The following USP43 variants were observed in gnomAD, a reference collection of about 807,000 sequenced individuals.
USP43 encodes ubiquitin specific peptidase 43.
Under a neutral mutation model 90.7 loss-of-function variants are expected in USP43, and 33 were observed. That is an observed-to-expected ratio of 0.36 (90% confidence interval 0.28 to 0.49). The LOEUF is 0.49. Among genes scored for constraint, USP43 ranks in the 20% least tolerant of loss-of-function variants. The pLI, the probability that USP43 is intolerant of heterozygous loss-of-function variation, is 0.98. For synonymous variants in USP43, 598 were observed against 615.8 expected, an observed-to-expected ratio of 0.97 and a Z score of 0.43; for missense variants, 1,274 against 1,476.4, an observed-to-expected ratio of 0.86 and a Z score of 2.25.
rs1917428732 is a variant in USP43, at chr17:9,728,882, A to G, written c.3264A>G (p.Ser1088=). 1 of 1,613,948 alleles carries G rather than the reference A, an allele frequency of 6.2e-7. No individual in the cohort carries two copies. The highest frequency in any genetic ancestry group is 8.5e-7 in the Non-Finnish European group (1 of 1,179,824). ...CGAGAGGCAGTGCACTGGGCATGTCACAAAGGACTGTTCCAGGGGAGCAGG... is the reference window on the plus strand; with the variant it reads ...CGAGAGGCAGTGCACTGGGCATGTCGCAAAGGACTGTTCCAGGGGAGCAGG... The part of the protein sequence containing the change: ...RAPRGSALGM[S]QRTVPGEQAS... The change falls in exon 15 of 15, where the codon TCA becomes TCG. Residue 1088 remains serine, a synonymous_variant. Coordinates refer to ENST00000285199, the MANE Select transcript of USP43 (RefSeq NM_153210.5). This position sits in a 1 kb window ranked among gnomAD's most constrained non-coding sequence, Gnocchi z 6.2.
In USP43 at chr17:9,705,291, CT is replaced by C. The variant is rs61284524; in HGVS notation, c.2011+3605del. Reference sequence around the variant, plus strand: ...GTACTATTTACTGTGTTGCACCTGGCTTTTTTTTTTTTTTCTCTCTGAAAAT... The same window carrying C: ...GTACTATTTACTGTGTTGCACCTGGCTTTTTTTTTTTTTCTCTCTGAAAAT... On this transcript the variant is annotated intron_variant, in intron 12 of 14. Coordinates refer to ENST00000285199, the MANE Select transcript of USP43 (RefSeq NM_153210.5). 3.5e-3 allele frequency among the ~76,000 whole-genome samples: 486 copies of C among 137,716 alleles called. 3 individuals carry two copies. The highest frequency in any genetic ancestry group is 0.026 in the Middle Eastern group (7 of 270). 90.3% of individuals were successfully genotyped at this position (137,716 alleles called of 152,430 possible).
At chr17:9,663,078 A>G (rs1252116750) in intron 2 of USP43, among the ~76,000 whole-genome samples, 1 of 151,876 alleles carries the variant, frequency 6.6e-6, no homozygotes. Context: ...TCGGCTTCCC[A>G]AAGTGCTGAG....
intron 14 of USP43, among the ~76,000 whole-genome samples, chr17:9,715,679 C>CTGTGTGTATGTG (rs1354164409): frequency 8.2e-6 from 1 of 122,144 alleles, no homozygotes; most frequent in Non-Finnish European, 1.7e-5. Flanking sequence ...GTGTGTGTGT[C>CTGTGTGTATGTG]TGTGTGTATG....
At chr17:9,695,023 G>C (rs1567669121) in intron 9 of USP43, among the ~76,000 whole-genome samples, 1 of 152,190 alleles carries the variant, frequency 6.6e-6, no homozygotes, top group Non-Finnish European at 1.5e-5. Context: ...CTAGAATTGA[G>C]TAGAGTTCTA....
intron 2 of USP43, among the ~76,000 whole-genome samples, chr17:9,657,505 A>C (rs750998047): frequency 2.4e-4 from 37 of 152,032 alleles, no homozygotes; most frequent in Non-Finnish European, 4.7e-4. Flanking sequence ...GTCTCAAAAA[A>C]AAAAGAAAAG....
chr17:9,652,518 C>A (rs887213209), intron 1 of USP43, among the ~76,000 whole-genome samples: 1 of 151,984 alleles, frequency 6.6e-6, no homozygotes, highest in African/African-American at 2.4e-5. Context: ...CCCGCCACCA[C>A]GTCCGGCTAA....
At chr17:9,662,339 C>T (rs1477532975) in intron 2 of USP43, among the ~76,000 whole-genome samples, 3 of 152,174 alleles carry the variant, frequency 2.0e-5, no homozygotes, top group Non-Finnish European at 4.4e-5. Context: ...TCCAAGTGCC[C>T]TTCCCCTATT....
chr17:9,678,810 GGGATGAAGTACATCCAGAA>G (rs1913968829), intron 5 of USP43, among the ~76,000 whole-genome samples: 1 of 149,238 alleles, frequency 6.7e-6, no homozygotes, highest in Non-Finnish European at 1.5e-5. Context: ...CATCTTTTCT[GGGATGAAGTACATCCAGAA>G]GATGTACTTC....
At position 9,693,055 on chromosome 17, in the gene USP43, C is replaced by T. The variant is rs151264652; in HGVS notation, c.1354-72C>T. On this transcript the variant is annotated intron_variant, in intron 8 of 14. Coordinates refer to ENST00000285199, the MANE Select transcript of USP43 (RefSeq NM_153210.5). ...TAATGATTATATTTTTTAATGTATG[C>T]GCCCCTTTAGAGTCTAATTTAAATC... 1.7e-3 allele frequency: 1,737 copies of T among 1,020,624 alleles called. 5 individuals are homozygous for T. The highest frequency in any genetic ancestry group is 2.4e-3 in the Non-Finnish European group (1,622 of 672,382). The allele number at this position is 1,020,624 out of a possible 1,614,324, so 63.2% of individuals were successfully genotyped here.
intron 8 of USP43, among the ~76,000 whole-genome samples, chr17:9,688,048 T>C (rs1056116500): frequency 6.6e-6 from 1 of 152,110 alleles, no homozygotes; most frequent in Non-Finnish European, 1.5e-5. Flanking sequence ...TGCAGTGGCG[T>C]GATCTCGGCT....
intron 9 of USP43, 120 bp downstream of exon 9, chr17:9,693,350 C>G (rs1915073122): frequency 1.2e-6 from 1 of 812,460 alleles, no homozygotes; most frequent in Non-Finnish European, 2.0e-6. Context: ...TCACTTACCT[C>G]TCCAGTACCA....
intron 14 of USP43, among the ~76,000 whole-genome samples, chr17:9,713,187 C>A (rs142929756): frequency 8.4e-4 from 128 of 152,140 alleles, no homozygotes; most frequent in Non-Finnish European, 1.5e-3. Flanking sequence ...CTCCCGGGTT[C>A]GAGCAATACT....
At position 9,701,072 on chromosome 17, in the gene USP43, C is replaced by T; in HGVS notation, c.1536-47C>T. 1.4e-6 allele frequency: 2 copies of T among 1,439,242 alleles called. No homozygotes were observed. Among genetic ancestry groups the T allele is most frequent in the East Asian group, 5.1e-5 (2 of 39,554 alleles). 89.2% of individuals were successfully genotyped at this position (1,439,242 alleles called of 1,614,324 possible). Reference sequence around the variant, plus strand: ...GAGTAGAGACATAGACGAAACCTGTCTGGGAGCAGGAAAGTCCTGAACGCC... The same window carrying T: ...GAGTAGAGACATAGACGAAACCTGTTTGGGAGCAGGAAAGTCCTGAACGCC... On this transcript the variant is annotated intron_variant, in intron 10 of 14. Coordinates refer to ENST00000285199, the MANE Select transcript of USP43 (RefSeq NM_153210.5). This position sits in a 1 kb window ranked among gnomAD's most constrained non-coding sequence, Gnocchi z 7.2.
intron 5 of USP43, among the ~76,000 whole-genome samples, 163 bp from the exon 6 acceptor site, chr17:9,680,068 A>T (rs1257413486): frequency 6.7e-6 from 1 of 150,336 alleles, no homozygotes; most frequent in Non-Finnish European, 1.5e-5. Flanking sequence ...GTCTGAGGAC[A>T]ATCTAATGGT....
At chr17:9,681,461 AT>A (rs1289730265) in intron 6 of USP43, among the ~76,000 whole-genome samples, 31,709 of 64,982 alleles carry the variant, frequency 0.49, 6,956 homozygotes, top group East Asian at 0.77. Flanking sequence ...TATAAAATAT[AT>A]TATATATATA....
chr17:9,712,580 G>T (rs1314809455), intron 14 of USP43, among the ~76,000 whole-genome samples: 1 of 152,206 alleles, frequency 6.6e-6, no homozygotes, highest in African/African-American at 2.4e-5. Flanking sequence ...TATGTTCCAG[G>T]AGAGGAGCCC....
In USP43 at chr17:9,674,359, C is replaced by T. The variant is rs1309448994; in HGVS notation, c.741-532C>T. On this transcript the variant is annotated intron_variant, in intron 3 of 14. Coordinates refer to ENST00000285199, the MANE Select transcript of USP43 (RefSeq NM_153210.5). This position sits in a 1 kb window ranked among gnomAD's most constrained non-coding sequence, Gnocchi z 4.4. ...CATTCACAGTGTTGTGCAGCTACCA[C>T]CTCCTAGTTCCTAAACATTTCATCA... Among the ~76,000 whole-genome samples the T allele has an allele frequency of 6.6e-6, 1 of 152,168 alleles. No homozygotes were observed. Among genetic ancestry groups the T allele is most frequent in the Non-Finnish European group, 1.5e-5 (1 of 68,040 alleles).
At chr17:9,716,043 T>G (rs34844988) in intron 14 of USP43, among the ~76,000 whole-genome samples, 1 of 151,292 alleles carries the variant, frequency 6.6e-6, no homozygotes, top group African/African-American at 2.4e-5. Flanking sequence ...GAGAATGTGT[T>G]TGTGTGTATG....
intron 2 of USP43, among the ~76,000 whole-genome samples, chr17:9,665,644 A>G (rs1357830452): frequency 6.6e-6 from 1 of 152,208 alleles, no homozygotes; most frequent in Non-Finnish European, 1.5e-5. Context: ...GCCAAATTAT[A>G]TCATTACCTT....
Sources: allele counts gnomAD v4.1 joint callset (sites outside exome capture counted in the v4.1 genomes callset), GRCh38; gene constraint gnomAD v4.1.1; non-coding constraint Gnocchi (gnomAD v3.1); transcripts MANE v1.5; gene names NCBI Gene and HGNC (gene_info 2026-07-23, HGNC 2026-07-21).